The following MACROD2 variants were observed in gnomAD, a reference collection of about 807,000 sequenced individuals.
MACROD2 encodes mono-ADP ribosylhydrolase 2, also known as ADP-ribose glycohydrolase MACROD2.
Under a neutral mutation model 70.4 loss-of-function variants are expected in MACROD2, and 36 were observed. That is an observed-to-expected ratio of 0.51 (90% CI 0.39 to 0.68). The LOEUF is 0.68. Ranked by LOEUF, MACROD2 falls within the 30% of genes least tolerant of loss-of-function variation. The probability of loss-of-function intolerance (pLI) is 0.00; values close to 1 mark genes in which losing one functional copy is unlikely to be tolerated. For synonymous variants in MACROD2, 172 were observed against 178.8 expected, an observed-to-expected ratio of 0.96 and a Z score of 0.30; for missense variants, 496 against 538.4, an observed-to-expected ratio of 0.92 and a Z score of 0.78.
At chr20:15,003,880 C>G (rs774602244) in intron 5 of MACROD2, among the ~76,000 whole-genome samples, 1 of 152,096 alleles carries the variant, frequency 6.6e-6, no homozygotes, top group African/African-American at 2.4e-5. Context: ...CTAAGATTGG[C>G]CTTTTGAGAT....
chr20:14,328,599 A>G (rs1395786919), intron 3 of MACROD2, among the ~76,000 whole-genome samples: 1 of 152,122 alleles, frequency 6.6e-6, no homozygotes, highest in Non-Finnish European at 1.5e-5. Flanking sequence ...CGATGTGAGT[A>G]AATTTTGCGG....
chr20:15,420,157 G>A (rs1461492936), intron 6 of MACROD2, among the ~76,000 whole-genome samples: 2 of 152,078 alleles, frequency 1.3e-5, no homozygotes, highest in Non-Finnish European at 2.9e-5. Context: ...CCATTTGCTG[G>A]TTCCAACATT....
At chr20:14,648,979 C>T (rs1055599775) in intron 4 of MACROD2, among the ~76,000 whole-genome samples, 3 of 152,068 alleles carry the variant, frequency 2.0e-5, no homozygotes, top group Non-Finnish European at 4.4e-5. Context: ...TGCAATAGGC[C>T]CATGAGGTAA....
At chr20:15,836,238 G>T (rs747010528) in intron 8 of MACROD2, among the ~76,000 whole-genome samples, 147 of 152,282 alleles carry the variant, frequency 9.7e-4, no homozygotes, top group Non-Finnish European at 1.6e-3. Flanking sequence ...CTTAGGAGAG[G>T]GTAAATGGAT....
chr20:14,548,402 A>G (rs74936085), intron 4 of MACROD2, among the ~76,000 whole-genome samples: 14,624 of 149,574 alleles, frequency 0.098, 1,228 homozygotes, highest in South Asian at 0.33. Flanking sequence ...TTTTGCATTT[A>G]TCTTATAAAT....
intron 4 of MACROD2, among the ~76,000 whole-genome samples, chr20:14,521,245 C>T (rs963115582): frequency 2.0e-5 from 3 of 152,212 alleles, no homozygotes; most frequent in African/African-American, 7.2e-5. Flanking sequence ...GCAAAAGCCT[C>T]TGTTGTTTCT....
chr20:15,717,000 T>C (rs1300737882), intron 8 of MACROD2, among the ~76,000 whole-genome samples: 1 of 152,246 alleles, frequency 6.6e-6, no homozygotes, highest in Non-Finnish European at 1.5e-5. Flanking sequence ...CATATTAATA[T>C]GATCAACCAT....
chr20:14,255,487 A>C lies in MACROD2; in HGVS notation c.271+169759A>C, dbSNP rs1281768002. ...ACTCATAGGTGGGAATTGAACAATGAGAACACATGGACACAGGAAGGGGAA... is the reference window on the plus strand; with the variant it reads ...ACTCATAGGTGGGAATTGAACAATGCGAACACATGGACACAGGAAGGGGAA... On this transcript the variant is annotated intron_variant, in intron 3 of 17. Coordinates refer to ENST00000684519, the MANE Select transcript of MACROD2 (RefSeq NM_001351661.2). Among the ~76,000 whole-genome samples, 5 of 151,424 alleles carry C rather than the reference A, an allele frequency of 3.3e-5. No homozygotes were observed. In the East Asian group the frequency reaches 9.8e-4, roughly 30 times the overall value.
intron 6 of MACROD2, among the ~76,000 whole-genome samples, chr20:15,368,472 T>G (rs896412510): frequency 1.3e-5 from 2 of 151,490 alleles, no homozygotes; most frequent in Non-Finnish European, 2.9e-5. Context: ...TTTTTTTTTT[T>G]TTTTTTTGAG....
intron 3 of MACROD2, among the ~76,000 whole-genome samples, chr20:14,393,827 A>G (rs2083552509): frequency 6.6e-6 from 1 of 152,154 alleles, no homozygotes; most frequent in African/African-American, 2.4e-5. Context: ...AGTCTTTGTC[A>G]GGTAATTAGG....
At chr20:14,301,774 C>A (rs6105244) in intron 3 of MACROD2, among the ~76,000 whole-genome samples, 94 of 152,146 alleles carry the variant, frequency 6.2e-4, no homozygotes, top group Non-Finnish European at 1.0e-3. Context: ...ATTGATTTAA[C>A]CTGTTTCCCT....
intron 5 of MACROD2, among the ~76,000 whole-genome samples, chr20:14,899,073 C>T (rs1289517945): frequency 1.3e-5 from 2 of 152,136 alleles, no homozygotes; most frequent in East Asian, 3.9e-4. Flanking sequence ...CTTTTCAGCC[C>T]ATGGTGTTTT....
intron 5 of MACROD2, among the ~76,000 whole-genome samples, chr20:14,782,372 A>G (rs1047547070): frequency 6.6e-6 from 1 of 152,130 alleles, no homozygotes; most frequent in Non-Finnish European, 1.5e-5. Flanking sequence ...GAAAGCAAAG[A>G]TAAAACTTTA....
intron 6 of MACROD2, among the ~76,000 whole-genome samples, chr20:15,299,514 G>C (rs150899941): frequency 6.6e-6 from 1 of 152,192 alleles, no homozygotes; most frequent in Non-Finnish European, 1.5e-5. Context: ...AAGGCCCAGA[G>C]TATTTTCATG....
chr20:14,362,864 G>A (rs1413814367), intron 3 of MACROD2, among the ~76,000 whole-genome samples: 1 of 152,146 alleles, frequency 6.6e-6, no homozygotes, highest in African/African-American at 2.4e-5. Flanking sequence ...AGTAAGATAG[G>A]AAGCGATGAC....
chr20:14,324,373 A>T (rs1463507684), intron 3 of MACROD2: 1 of 152,566 alleles, frequency 6.6e-6, no homozygotes, highest in Non-Finnish European at 1.5e-5. Flanking sequence ...AGCTAGAAGG[A>T]AATGTTACAT....
intron 6 of MACROD2, among the ~76,000 whole-genome samples, chr20:15,305,985 A>G (rs1270163164): frequency 2.6e-5 from 4 of 152,158 alleles, no homozygotes; most frequent in African/African-American, 9.7e-5. Context: ...TCATTCCAGG[A>G]CATTTTCATC....
chr20:15,706,613 G>A (rs10485539), intron 8 of MACROD2, among the ~76,000 whole-genome samples: 37,481 of 152,032 alleles, frequency 0.25, 5,870 homozygotes, highest in African/African-American at 0.45. Flanking sequence ...TTTACACGTC[G>A]TTAATTCCAA....
intron 5 of MACROD2, among the ~76,000 whole-genome samples, chr20:14,846,455 A>T (rs892813077): frequency 1.3e-5 from 2 of 150,032 alleles, no homozygotes; most frequent in Non-Finnish European, 3.0e-5. Flanking sequence ...TTTTTCGAAA[A>T]CTAAATATAT....
Sources: gnomAD v4.1 joint callset for allele counts (sites outside exome capture counted in the v4.1 genomes callset) on GRCh38, gnomAD v4.1.1 for gene constraint, MANE v1.5 for transcripts, NCBI Gene and HGNC (gene_info 2026-07-23, HGNC 2026-07-21) for gene names.